FBN2: variants seen among roughly 807,000 people sequenced by gnomAD.
The protein encoded by FBN2 is fibrillin-2.
In FBN2, 105 loss-of-function variants were observed where a neutral mutation model predicts 355.6. The ratio of observed to expected loss-of-function variants is 0.30; its 90% CI spans 0.25 to 0.35. The LOEUF (loss-of-function observed/expected upper bound fraction) is 0.35, where lower values mean the gene tolerates loss of function less well. Ranked by LOEUF, FBN2 falls within the 10% of genes least tolerant of loss-of-function variation. The probability of loss-of-function intolerance (pLI) is 1.00; values close to 1 mark genes in which losing one functional copy is unlikely to be tolerated. For synonymous variants in FBN2, 1,350 were observed against 1,301.2 expected, an observed-to-expected ratio of 1.04 and a Z score of -0.81; for missense variants, 3,280 against 3,758.7, an observed-to-expected ratio of 0.87 and a Z score of 3.33.
intron 1 of FBN2, among the ~76,000 whole-genome samples, chr5:128,536,900 T>A (rs975716985): frequency 3.3e-5 from 5 of 151,938 alleles, no homozygotes; most frequent in African/African-American, 1.2e-4. Context: ...CGTCGCAAGG[T>A]GGAGCGCTCG....
At chr5:128,296,208 G>A (rs1749504826) in intron 48 of FBN2, among the ~76,000 whole-genome samples, 1 of 150,588 alleles carries the variant, frequency 6.6e-6, no homozygotes, top group Admixed American at 6.6e-5. Flanking sequence ...TGGTGGATAA[G>A]CTTTTTGATG....
chr5:128,444,108 C>T (rs1194163813), intron 7 of FBN2, among the ~76,000 whole-genome samples: 1 of 143,260 alleles, frequency 7.0e-6, no homozygotes, highest in African/African-American at 2.6e-5. Flanking sequence ...CTCTGTCGCC[C>T]AGGCCGGACT....
At chr5:128,297,970 G>A (rs572954413) in intron 48 of FBN2, among the ~76,000 whole-genome samples, 44 of 150,822 alleles carry the variant, frequency 2.9e-4, no homozygotes, top group African/African-American at 1.1e-3. Context: ...TGCAGCGGCT[G>A]GTACCGGTTG....
intron 62 of FBN2, among the ~76,000 whole-genome samples, chr5:128,264,999 T>C (rs1333016586): frequency 6.6e-6 from 1 of 152,230 alleles, no homozygotes; most frequent in African/African-American, 2.4e-5. Flanking sequence ...CCACTAAATG[T>C]AGGTGTCTTA....
chr5:128,272,597 G>A (rs1765295828), intron 61 of FBN2, among the ~76,000 whole-genome samples: 1 of 151,194 alleles, frequency 6.6e-6, no homozygotes, highest in African/African-American at 2.4e-5. Context: ...CAATTATATT[G>A]CACGTAAAAA....
At chr5:128,479,307 A>C (rs1755090617) in intron 5 of FBN2, among the ~76,000 whole-genome samples, 1 of 152,208 alleles carries the variant, frequency 6.6e-6, no homozygotes, top group African/African-American at 2.4e-5. Flanking sequence ...GGTGATAAAA[A>C]GCACGTGGTC....
chr5:128,306,606 G>A (rs950015207), intron 42 of FBN2, among the ~76,000 whole-genome samples: 1 of 151,566 alleles, frequency 6.6e-6, no homozygotes, highest in Non-Finnish European at 1.5e-5. Context: ...TGGGCAACAA[G>A]AGCAAAACTC....
At chr5:128,344,295 G>T in intron 25 of FBN2, 90 bp downstream of exon 25, 1 of 1,317,898 alleles carries the variant, frequency 7.6e-7, no homozygotes, top group Non-Finnish European at 1.1e-6. Context: ...TGTTCTCAAT[G>T]AGAGGATTAG....
chr5:128,499,427 C>T (rs1030187564), intron 5 of FBN2, among the ~76,000 whole-genome samples: 1 of 152,106 alleles, frequency 6.6e-6, no homozygotes, highest in Non-Finnish European at 1.5e-5. Flanking sequence ...ACTTCGCGGG[C>T]TTTAAAAAAT....
At chr5:128,433,104 G>T (rs1229208360) in intron 7 of FBN2, among the ~76,000 whole-genome samples, 2 of 152,054 alleles carry the variant, frequency 1.3e-5, no homozygotes, top group African/African-American at 4.8e-5. Context: ...AATTCATGAT[G>T]AGATTTGGGT....
intron 52 of FBN2, 103 bp from the exon 53 acceptor site, chr5:128,288,660 A>C (rs1440151512): frequency 1.5e-6 from 2 of 1,328,430 alleles, no homozygotes; most frequent in African/African-American, 2.9e-5. Context: ...AGGATCTGAG[A>C]AGGGCACATG....
intron 18 of FBN2, among the ~76,000 whole-genome samples, chr5:128,362,149 T>G (rs1254549741): frequency 6.6e-6 from 1 of 152,216 alleles, no homozygotes; most frequent in African/African-American, 2.4e-5. Flanking sequence ...GTTAGATATA[T>G]TTTTAAAGCA....
chr5:128,378,762 C>T lies in FBN2; in HGVS notation c.1723+9G>A, dbSNP rs1306547603. On this transcript the variant is annotated intron_variant, in intron 12 of 64. Transcript: ENST00000262464. Reference sequence around the variant, plus strand: ...GAACATTTTCATATGTGAAAGCAAACTGCCTTACCAATGCATGCTTGCTTG... The same window carrying T: ...GAACATTTTCATATGTGAAAGCAAATTGCCTTACCAATGCATGCTTGCTTG... 6.2e-7 allele frequency: 1 copy of T among 1,612,802 alleles called. No individual in the cohort carries two copies. Among genetic ancestry groups the T allele is most frequent in the East Asian group, 2.2e-5 (1 of 44,822 alleles).
rs540644520 is a variant in FBN2 at position 128,344,847 on chromosome 5, C to T, written c.3218-337G>A. Among the ~76,000 whole-genome samples, 7 of 151,992 alleles carry T rather than the reference C, an allele frequency of 4.6e-5. No homozygotes were observed. In the East Asian group the frequency reaches 7.8e-4, roughly 17 times the overall value. On this transcript the variant is annotated intron_variant, in intron 24 of 64. Coordinates refer to ENST00000262464, the MANE Select transcript of FBN2 (RefSeq NM_001999.4). ...TCCCGAGTAGCTGAGATTACAGGCG[C>T]GAGCCACCACGCCCGGCTAATTTTT...
rs776419198 is a variant in FBN2, at chr5:128,278,632, T to C, written c.7345+3A>G. Reference sequence around the variant, plus strand: ...ATATGAATAAATTTCCTCAACTCCTTACCTCTTCCATCAGTTGTATATCCT... The same window carrying C: ...ATATGAATAAATTTCCTCAACTCCTCACCTCTTCCATCAGTTGTATATCCT... On this transcript the variant is annotated splice_donor_region_variant and intron_variant, in intron 57 of 64. Transcript: ENST00000262464. The C allele has an allele frequency of 7.4e-6, 12 of 1,613,030 alleles. No individual in the cohort carries two copies. Among genetic ancestry groups the C allele is most frequent in the South Asian group, 1.1e-5 (1 of 91,062 alleles).
At chr5:128,484,224 T>C (rs1408256659) in intron 5 of FBN2, among the ~76,000 whole-genome samples, 1 of 152,220 alleles carries the variant, frequency 6.6e-6, no homozygotes, top group Non-Finnish European at 1.5e-5. Flanking sequence ...ATGCATTAGA[T>C]GAAGGATATT....
chr5:128,525,620 G>A (rs571675038), intron 4 of FBN2, among the ~76,000 whole-genome samples: 4 of 152,134 alleles, frequency 2.6e-5, no homozygotes, highest in African/African-American at 4.8e-5. Flanking sequence ...TGGCCTCAAC[G>A]TATTGTATTC....
chr5:128,417,381 T>C (rs893127268), intron 7 of FBN2, among the ~76,000 whole-genome samples: 6 of 152,188 alleles, frequency 3.9e-5, no homozygotes, highest in Non-Finnish European at 7.4e-5. Context: ...CTAGGACTTC[T>C]GTAGTCTGTT....
intron 36 of FBN2, 65 bp from the exon 37 acceptor site, chr5:128,312,860 A>G: frequency 6.5e-7 from 1 of 1,547,542 alleles, no homozygotes; most frequent in Non-Finnish European, 8.9e-7. Context: ...ATTTTAGGGA[A>G]AAGTCACTCA....
Sources: gnomAD v4.1 joint callset for allele counts (sites outside exome capture counted in the v4.1 genomes callset) on GRCh38, gnomAD v4.1.1 for gene constraint, MANE v1.5 for transcripts, NCBI Gene and HGNC (gene_info 2026-07-23, HGNC 2026-07-21) for gene names.